The following ZCCHC17 variants were observed in gnomAD, a reference collection of about 807,000 sequenced individuals.
ZCCHC17 encodes the protein zinc finger CCHC domain-containing protein 17.
In ZCCHC17, 18 loss-of-function variants were observed where a neutral mutation model predicts 30.6. The ratio of observed to expected loss-of-function variants is 0.59; its 90% confidence interval spans 0.41 to 0.87. The LOEUF is 0.87. ZCCHC17 is among the 40% of genes least tolerant of loss of function. The pLI is 0.00. For synonymous variants in ZCCHC17, 88 were observed against 92.4 expected (o/e 0.95, Z 0.27); for missense variants, 263 against 284.2 (o/e 0.93, Z 0.54).
At chr1:31,360,165 G>GTGTTTTGTTTTGTTT (rs376753414) in intron 7 of ZCCHC17, among the ~76,000 whole-genome samples, 5 of 150,436 alleles carry the variant, frequency 3.3e-5, no homozygotes, top group African/African-American at 9.8e-5. Context: ...TTGTGTGTGC[G>GTGTTTTGTTTTGTTT]TGTTTTGTTT....
In ZCCHC17 at chr1:31,314,278, A is replaced by G. The variant is rs1646677877; in HGVS notation, c.66+4114A>G. On this transcript the variant is annotated intron_variant, in intron 2 of 7. Transcript: ENST00000344147. ...AGAGAGAACTTTATAGTTCTAACTT[A>G]CTATTTCAGTAGCATATTTTGAAAA... 2.6e-5 allele frequency among the ~76,000 whole-genome samples: 4 copies of G among 152,184 alleles called. No individual in the cohort carries two copies. The South Asian group carries it at 8.3e-4, about 31-fold the overall frequency.
At chr1:31,346,770 TTCTC>T (rs1306954437) in intron 6 of ZCCHC17, 30 bp downstream of exon 6, 36 of 1,613,642 alleles carry the variant, frequency 2.2e-5, no homozygotes, top group Non-Finnish European at 3.0e-5. Flanking sequence ...CTTTCCACGT[TTCTC>T]TCCTTGTGGA....
intron 5 of ZCCHC17, among the ~76,000 whole-genome samples, chr1:31,344,585 G>A (rs567451426): frequency 1.3e-5 from 2 of 152,274 alleles, no homozygotes; most frequent in South Asian, 4.1e-4. Context: ...AAACATGATG[G>A]GAGCCTAAAC....
At chr1:31,335,108 A>G (rs371594346) in intron 3 of ZCCHC17, among the ~76,000 whole-genome samples, 1 of 152,022 alleles carries the variant, frequency 6.6e-6, no homozygotes, top group Non-Finnish European at 1.5e-5. Flanking sequence ...TCTTTCCTCT[A>G]TTGCTGGGAC....
chr1:31,354,137 A>G (rs921556781), intron 7 of ZCCHC17, among the ~76,000 whole-genome samples: 1 of 152,166 alleles, frequency 6.6e-6, no homozygotes, highest in Non-Finnish European at 1.5e-5. Context: ...AATTTTCTGT[A>G]TACATGTCTT....
At chr1:31,337,839 A>T (rs969518862) in intron 4 of ZCCHC17, among the ~76,000 whole-genome samples, 8 of 152,204 alleles carry the variant, frequency 5.3e-5, no homozygotes, top group Non-Finnish European at 4.4e-5. Flanking sequence ...AGCACAGGAG[A>T]TAGGCATGAA....
Position 31,364,097 on chromosome 1 carries a change from T to A in ZCCHC17, c.630T>A (p.Ser210Arg), listed in dbSNP as rs763839487. 4.3e-6 allele frequency: 7 copies of A among 1,613,094 alleles called. No homozygotes were observed. In the South Asian group the frequency reaches 7.7e-5, roughly 18 times the overall value. The change falls in exon 8 of 8, where the codon AGT becomes AGA. Residue 210 changes from serine to arginine, a missense_variant. Ser to Arg is a moderately radical substitution (Grantham distance 110). Coordinates refer to ENST00000344147, the MANE Select transcript of ZCCHC17 (RefSeq NM_016505.4). ...ACTCTGACAGCTCAGACTCTGAGAG[T>A]GATACAGGCAAGAGGGCAAGGCACA... is the stretch of plus-strand genomic sequence containing the variant. ...SSDSDSSDSE[S>R]DTGKRARHTS...
In ZCCHC17 at chr1:31,318,380, T is replaced by A. The variant is rs1646785401; in HGVS notation, c.67-729T>A. The A allele has an allele frequency of 6.0e-6, 4 of 670,638 alleles. No homozygotes were observed. The South Asian group carries it at 8.1e-5, about 14-fold the overall frequency. 41.5% of individuals were successfully genotyped at this position (670,638 alleles called of 1,614,324 possible). ...GAGAGCTAGAGCCTAGGTTAATGATTTATCTGGCAAGGGTTCTGGGCCTTT... is the reference window on the plus strand; with the variant it reads ...GAGAGCTAGAGCCTAGGTTAATGATATATCTGGCAAGGGTTCTGGGCCTTT... On this transcript the variant is annotated intron_variant, in intron 2 of 7. Transcript: ENST00000344147.
At position 31,339,923 on chromosome 1, in the gene ZCCHC17, A is replaced by G. The variant is rs534332538; in HGVS notation, c.317+875A>G. ...ATGTAGGACAATGTCTGGCAATACA[A>G]GGAATGTTCTGTCTGTCTCAAGTCT... On this transcript the variant is annotated intron_variant, in intron 5 of 7. Coordinates refer to ENST00000344147, the MANE Select transcript of ZCCHC17 (RefSeq NM_016505.4). 5.4e-5 allele frequency among the ~76,000 whole-genome samples: 8 copies of G among 147,894 alleles called. No individual in the cohort carries two copies. In the South Asian group the frequency reaches 1.5e-3, roughly 28 times the overall value.
intron 2 of ZCCHC17, among the ~76,000 whole-genome samples, chr1:31,312,807 T>G (rs1434931762): frequency 6.6e-6 from 1 of 152,200 alleles, no homozygotes; most frequent in Non-Finnish European, 1.5e-5. Context: ...TTGCCCAGGT[T>G]GGAGTGCAAT....
At chr1:31,342,634 A>C (rs148576687) in intron 5 of ZCCHC17, among the ~76,000 whole-genome samples, 33 of 152,234 alleles carry the variant, frequency 2.2e-4, no homozygotes, top group Non-Finnish European at 4.0e-4. Flanking sequence ...GCTGCTGCTG[A>C]TCTGATAGGA....
At chr1:31,344,054 C>T (rs957189403) in intron 5 of ZCCHC17, among the ~76,000 whole-genome samples, 2 of 151,822 alleles carry the variant, frequency 1.3e-5, no homozygotes, top group Admixed American at 1.3e-4. Flanking sequence ...GGGGTTTCTC[C>T]ATGTTGGTCA....
At position 31,364,406 on chromosome 1, in the gene ZCCHC17, G is replaced by C; in HGVS notation, c.*213G>C. The stretch of plus-strand genomic sequence containing the variant: ...AGTTGTTGTTTCCTTATCACTCCTG[G>C]TCCCTTTGCAAGTGAACCCTGCAGC... On this transcript the variant is annotated 3_prime_UTR_variant, in exon 8 of 8. Transcript: ENST00000344147. 1 of 797,232 alleles carries C rather than the reference G, an allele frequency of 1.3e-6. No individual in the cohort carries two copies. Among genetic ancestry groups the C allele is most frequent in the East Asian group, 2.8e-5 (1 of 36,086 alleles). The allele number at this position is 797,232 out of a possible 1,614,324, so 49.4% of individuals were successfully genotyped here.
intron 5 of ZCCHC17, among the ~76,000 whole-genome samples, chr1:31,340,368 A>ATT (rs1639002742): frequency 7.9e-6 from 1 of 126,754 alleles, no homozygotes; most frequent in African/African-American, 3.0e-5. Flanking sequence ...CCCAGGCCGG[A>ATT]GTGCAATGGC....
At chr1:31,334,239 G>A (rs1466794993) in intron 3 of ZCCHC17, among the ~76,000 whole-genome samples, 4 of 151,770 alleles carry the variant, frequency 2.6e-5, no homozygotes, top group East Asian at 1.9e-4. Context: ...GTGGCTCCCA[G>A]TAGGAGCTCT....
chr1:31,314,073 C>T (rs527881594), intron 2 of ZCCHC17, among the ~76,000 whole-genome samples: 2 of 152,068 alleles, frequency 1.3e-5, no homozygotes, highest in Non-Finnish European at 1.5e-5. Context: ...CCATGTTGGC[C>T]AGGCTGACTT....
At chr1:31,302,595 C>A (rs964599364) in intron 1 of ZCCHC17, among the ~76,000 whole-genome samples, 3 of 152,056 alleles carry the variant, frequency 2.0e-5, no homozygotes, top group Admixed American at 2.0e-4. Flanking sequence ...GTGTATTAGC[C>A]CATTTTCACA....
At chr1:31,349,311 TACCCAAAGAG>T (rs1639386599) in intron 7 of ZCCHC17, among the ~76,000 whole-genome samples, 1 of 152,196 alleles carries the variant, frequency 6.6e-6, no homozygotes, top group Non-Finnish European at 1.5e-5. Flanking sequence ...GTAACCTTTC[TACCCAAAGAG>T]ACTCTTATTG....
At chr1:31,318,290 G>A in intron 2 of ZCCHC17, 1 of 1,431,508 alleles carries the variant, frequency 7.0e-7, no homozygotes, top group Non-Finnish European at 9.5e-7. Context: ...GTTAAATTCA[G>A]CATATAGTGA....
Sources: allele counts gnomAD v4.1 joint callset (sites outside exome capture counted in the v4.1 genomes callset), GRCh38; gene constraint gnomAD v4.1.1; transcripts MANE v1.5; gene names NCBI Gene and HGNC (gene_info 2026-07-23, HGNC 2026-07-21).